The following OR2A14 variants were observed in gnomAD, a reference collection of about 807,000 sequenced individuals.
OR2A14 encodes olfactory receptor 2A14.
Under a neutral mutation model 2.4 loss-of-function variants are expected in OR2A14, and 2 were observed. The ratio of observed to expected loss-of-function variants is 0.85; its 90% CI spans 0.35 to 2.67. The LOEUF is 2.67. OR2A14 is among the 30% of genes most tolerant of loss of function. OR2A14 has a pLI of 0.10. For missense variants in OR2A14, 390 were observed against 379.4 expected, an observed-to-expected ratio of 1.03 and a Z score of -0.23; for synonymous variants, 160 against 156.3, an observed-to-expected ratio of 1.02 and a Z score of -0.18.
chr7:144,123,629 G>T (rs2051460930), intron 1 of OR2A14, among the ~76,000 whole-genome samples: 1 of 152,194 alleles, frequency 6.6e-6, no homozygotes, highest in African/African-American at 2.4e-5. Flanking sequence ...TGCGGCTCAG[G>T]TGACTCTTTT....
intron 1 of OR2A14, among the ~76,000 whole-genome samples, chr7:144,127,293 T>C (rs1169227289): frequency 4.6e-5 from 7 of 152,180 alleles, no homozygotes; most frequent in Non-Finnish European, 1.0e-4. Flanking sequence ...GAGATTGTAA[T>C]TGGTAATGCC....
chr7:144,128,660 G>T (rs938827907), intron 1 of OR2A14, among the ~76,000 whole-genome samples: 1 of 152,220 alleles, frequency 6.6e-6, no homozygotes, highest in Non-Finnish European at 1.5e-5. Flanking sequence ...GCACATCTCA[G>T]ACTGAGAAGG....
rs756578197 is a variant in OR2A14, at chr7:144,129,472, T to C, written c.360T>C (p.Asp120=). 16 of 1,613,990 alleles carry C rather than the reference T, an allele frequency of 9.9e-6. 1 individual carries two copies. The South Asian group carries it at 1.4e-4, about 14-fold the overall frequency. Reference sequence around the variant, plus strand: ...TGATTTTGGTGGTGATGTCCTATGATCGCTATGCGGACATCTGCCACCCCT... The same window carrying C: ...TGATTTTGGTGGTGATGTCCTATGACCGCTATGCGGACATCTGCCACCCCT... ...ECLILVVMSY[D]RYADICHPLR... Residue 120 remains aspartate (D), a synonymous_variant, in exon 2 of 2, where the codon GAT becomes GAC. Transcript: ENST00000641068.
chr7:144,123,351 T>C (rs2951346), intron 1 of OR2A14, 87 bp downstream of exon 1: 2 of 152,066 alleles, frequency 1.3e-5, no homozygotes, highest in Non-Finnish European at 2.9e-5. Flanking sequence ...TGGCTCCAGA[T>C]AGTAGCGATG....
intron 1 of OR2A14, among the ~76,000 whole-genome samples, chr7:144,125,401 A>G (rs1173609343): frequency 1.3e-5 from 2 of 152,188 alleles, no homozygotes; most frequent in Non-Finnish European, 2.9e-5. Context: ...TCTTCCTTTC[A>G]GATATCTGAT....
rs2051506612 is a variant in OR2A14, at chr7:144,129,136, C to A, written c.24C>A (p.Ile8=). 3 of 1,611,596 alleles carry A rather than the reference C, an allele frequency of 1.9e-6. No homozygotes were observed. The highest frequency in any genetic ancestry group is 1.1e-5 in the South Asian group (1 of 90,976). Residue 8 remains isoleucine (I), a synonymous_variant, in exon 2 of 2, where the codon ATC becomes ATA. Coordinates refer to ENST00000641068, the MANE Select transcript of OR2A14 (RefSeq NM_001001659.3). MEGNKTW[I]TDITLPRFQV... ...GCATGGAAGGCAACAAGACATGGAT[C>A]ACAGACATCACCTTGCCGCGATTCC...
Position 144,130,786 on chromosome 7 carries a change from G to C in OR2A14, c.*741G>C, listed in dbSNP as rs1023898103. 6.6e-6 allele frequency: 1 copy of C among 152,212 alleles called. No individual in the cohort carries two copies. The highest frequency in any genetic ancestry group is 6.5e-5 in the Admixed American group (1 of 15,282). 9.4% of individuals were successfully genotyped at this position (152,212 alleles called of 1,614,324 possible). A position where few individuals can be genotyped will look rare whatever the true frequency, so the allele number is the denominator to read the frequency against. The stretch of plus-strand genomic sequence containing the variant: ...AGATCAATAATTAGTGACACTTCCT[G>C]TGAAGATACACAGGTTAATGCTTAA... On this transcript the variant is annotated 3_prime_UTR_variant, in exon 2 of 2. Transcript: ENST00000641068.
chr7:144,129,191 T>C lies in OR2A14; in HGVS notation c.79T>C (p.Cys27Arg), dbSNP rs2051507393. ...TGGTCCAGCACTGGAGATTCTCCTC[T>C]GTGGACTTTTCTCTGCCTTCTATAC... ...QVGPALEILL[C>R]GLFSAFYTLT... The change falls in exon 2 of 2, where the codon TGT becomes CGT. Residue 27 changes from cysteine (C) to arginine (R), a missense_variant. Physicochemically the swap from Cys to Arg is radical, Grantham distance 180. Transcript: ENST00000641068. 1.9e-6 allele frequency: 3 copies of C among 1,613,160 alleles called. No homozygotes were observed. Among genetic ancestry groups the C allele is most frequent in the Non-Finnish European group, 2.5e-6 (3 of 1,180,020 alleles).
chr7:144,129,237 G>A lies in OR2A14; in HGVS notation c.125G>A (p.Gly42Glu), dbSNP rs755799227. 3.2e-5 allele frequency: 51 copies of A among 1,613,964 alleles called. No individual in the cohort carries two copies. The East Asian group carries it at 4.9e-4, about 16-fold the overall frequency. ...AFYTLTLLGN[G>E]VIFGIICLDC... ...TATACACTCACCCTGCTGGGGAATG[G>A]GGTCATCTTTGGGATTATCTGCCTG... Residue 42 changes from glycine to glutamate, a missense_variant, in exon 2 of 2, where the codon GGG becomes GAG. By Grantham distance (98) the Gly-to-Glu change is moderately conservative (BLOSUM62 -2). Coordinates refer to ENST00000641068, the MANE Select transcript of OR2A14 (RefSeq NM_001001659.3).
chr7:144,129,147 C>T lies in OR2A14; in HGVS notation c.35C>T (p.Thr12Ile). The change falls in exon 2 of 2, where the codon ACC becomes ATC. Residue 12 changes from threonine to isoleucine, a missense_variant. Physicochemically the swap from Thr to Ile is moderately conservative, Grantham distance 89 (BLOSUM62 -1). Transcript: ENST00000641068. ...AACAAGACATGGATCACAGACATCACCTTGCCGCGATTCCAGGTTGGTCCA... is the reference window on the plus strand; with the variant it reads ...AACAAGACATGGATCACAGACATCATCTTGCCGCGATTCCAGGTTGGTCCA... ...EGNKTWITDITLPRFQVGPAL... is the reference protein window; with the variant it reads ...EGNKTWITDIILPRFQVGPAL... 1.2e-6 allele frequency: 2 copies of T among 1,612,158 alleles called. No homozygotes were observed. Among genetic ancestry groups the T allele is most frequent in the East Asian group, 2.2e-5 (1 of 44,864 alleles).
intron 1 of OR2A14, among the ~76,000 whole-genome samples, chr7:144,124,841 T>A (rs1346772695): frequency 6.6e-6 from 1 of 152,176 alleles, no homozygotes; most frequent in Non-Finnish European, 1.5e-5. Flanking sequence ...TTTTTAATTT[T>A]AAAAATCAAA....
chr7:144,128,426 A>G (rs1361659655), intron 1 of OR2A14, among the ~76,000 whole-genome samples: 2 of 152,246 alleles, frequency 1.3e-5, no homozygotes, highest in Non-Finnish European at 2.9e-5. Flanking sequence ...CTCTCAAAAT[A>G]AAACTACAAA....
Position 144,129,397 on chromosome 7 carries a change from A to T in OR2A14, c.285A>T (p.Pro95=), listed in dbSNP as rs778169852. ...AGGAAAGCACCATCTCCTTTTTTCCATGCATAATGCAGACATTCTTGTATT... is the reference window on the plus strand; with the variant it reads ...AGGAAAGCACCATCTCCTTTTTTCCTTGCATAATGCAGACATTCTTGTATT... ...MNQESTISFF[P]CIMQTFLYLA... Residue 95 remains proline, a synonymous_variant, in exon 2 of 2, where the codon CCA becomes CCT. Transcript: ENST00000641068. 1.9e-6 allele frequency: 3 copies of T among 1,614,034 alleles called. No homozygotes were observed. In the African/African-American group the frequency reaches 4.0e-5, roughly 22 times the overall value.
Position 144,123,245 on chromosome 7 carries a change from A to C in OR2A14, c.-54A>C, listed in dbSNP as rs1194282630. 6.6e-6 allele frequency: 1 copy of C among 152,170 alleles called. No homozygotes were observed. The highest frequency in any genetic ancestry group is 2.4e-5 in the African/African-American group (1 of 41,434). 9.4% of individuals were successfully genotyped at this position (152,170 alleles called of 1,614,324 possible). ...AAGCCCAAGGGTATGTTAGAAGAAAAGACCACAGATTATTGTACTGTAAGT... is the reference window on the plus strand; with the variant it reads ...AAGCCCAAGGGTATGTTAGAAGAAACGACCACAGATTATTGTACTGTAAGT... On this transcript the variant is annotated 5_prime_UTR_variant, in exon 1 of 2. Coordinates refer to ENST00000641068, the MANE Select transcript of OR2A14 (RefSeq NM_001001659.3).
At chr7:144,128,027 A>G (rs2051494855) in intron 1 of OR2A14, among the ~76,000 whole-genome samples, 2 of 152,306 alleles carry the variant, frequency 1.3e-5, no homozygotes, top group Middle Eastern at 3.4e-3. Flanking sequence ...CTGAACAGCA[A>G]CAGGGCTGCT....
chr7:144,127,431 T>A (rs114160171), intron 1 of OR2A14, among the ~76,000 whole-genome samples: 3 of 152,192 alleles, frequency 2.0e-5, no homozygotes, highest in African/African-American at 7.2e-5. Flanking sequence ...ATATTTAGCA[T>A]CTGCAATTTC....
rs376957612 is a variant in OR2A14 at position 144,130,076 on chromosome 7, C to G, written c.*31C>G. On this transcript the variant is annotated 3_prime_UTR_variant, in exon 2 of 2. Coordinates refer to ENST00000641068, the MANE Select transcript of OR2A14 (RefSeq NM_001001659.3). ...CTCAAAGGGAACCATGGGGAGGGAG[C>G]CTTGCTCCCTGCAAAATATAGAAGT... 1 of 1,538,536 alleles carries G rather than the reference C, an allele frequency of 6.5e-7. No individual in the cohort carries two copies. The highest frequency in any genetic ancestry group is 1.2e-5 in the South Asian group (1 of 82,164).
intron 1 of OR2A14, among the ~76,000 whole-genome samples, chr7:144,126,914 G>C (rs1172626221): frequency 6.6e-6 from 1 of 152,004 alleles, no homozygotes; most frequent in Non-Finnish European, 1.5e-5. Flanking sequence ...TTAATCCCAA[G>C]CAGATAGAAA....
chr7:144,126,420 G>C (rs774262169), intron 1 of OR2A14, among the ~76,000 whole-genome samples: 22 of 152,124 alleles, frequency 1.4e-4, no homozygotes, highest in Non-Finnish European at 2.5e-4. Flanking sequence ...AGTGCATCTT[G>C]TTCAGAGACT....
Sources: allele counts gnomAD v4.1 joint callset (sites outside exome capture counted in the v4.1 genomes callset), GRCh38; gene constraint gnomAD v4.1.1; transcripts MANE v1.5; gene names NCBI Gene and HGNC (gene_info 2026-07-23, HGNC 2026-07-21).